DCAF4L1: variants seen among roughly 807,000 people sequenced by gnomAD.
DCAF4L1 encodes the protein DDB1 and CUL4 associated factor 4 like 1.
Under a neutral mutation model 28.2 loss-of-function variants are expected in DCAF4L1, and 4 were observed. The observed-to-expected ratio is 0.14, with a 90% CI of 0.07 to 0.33. DCAF4L1 has a LOEUF of 0.33. Among genes scored for constraint, DCAF4L1 ranks in the 10% least tolerant of loss-of-function variants. The probability of loss-of-function intolerance (pLI) is 1.00; values close to 1 mark genes in which losing one functional copy is unlikely to be tolerated. For synonymous variants in DCAF4L1, 252 were observed against 212.1 expected (o/e 1.19, Z -1.63); for missense variants, 331 against 506.1 (o/e 0.65, Z 3.32).
At position 41,984,444 on chromosome 4, in the gene DCAF4L1, T is replaced by TTTA. The variant is rs1714088104; in HGVS notation, c.*1463_*1464insATT. The TTTA allele has an allele frequency of 6.4e-6, 1 of 155,570 alleles. No individual in the cohort carries two copies. Among genetic ancestry groups the TTTA allele is most frequent in the African/African-American group, 2.4e-5 (1 of 40,914 alleles). 9.6% of individuals were successfully genotyped at this position (155,570 alleles called of 1,614,324 possible). ...TGAAAGAAAAAAGGATGGCAGCTTT[T>TTTA]TTTTTTTTTTTTTTGAGACGGAGTC... On this transcript the variant is annotated 3_prime_UTR_variant, in exon 1 of 1. Coordinates refer to ENST00000333141, the MANE Select transcript of DCAF4L1 (RefSeq NM_001029955.4).
At position 41,984,439 on chromosome 4, in the gene DCAF4L1, G is replaced by GATT. The variant is rs1491376298; in HGVS notation, c.*1456_*1457insATT. ...GAAAGTGAAAGAAAAAAGGATGGCAGCTTTTTTTTTTTTTTTTTTGAGACG... is the reference window on the plus strand; with the variant it reads ...GAAAGTGAAAGAAAAAAGGATGGCAGATTCTTTTTTTTTTTTTTTTTTGAGACG... On this transcript the variant is annotated 3_prime_UTR_variant, in exon 1 of 1. Coordinates refer to ENST00000333141, the MANE Select transcript of DCAF4L1 (RefSeq NM_001029955.4). 1 of 79,068 alleles carries GATT rather than the reference G, an allele frequency of 1.3e-5. No individual in the cohort carries two copies. Among genetic ancestry groups the GATT allele is most frequent in the Non-Finnish European group, 3.5e-5 (1 of 28,740 alleles). 4.9% of individuals were successfully genotyped at this position (79,068 alleles called of 1,614,324 possible). A position where few individuals can be genotyped will look rare whatever the true frequency, so the allele number is the denominator to read the frequency against.
rs760828584 is a variant in DCAF4L1 at position 41,982,571 on chromosome 4, A to C, written c.779A>C (p.Lys260Thr). Residue 260 changes from lysine (K) to threonine (T), a missense_variant, in exon 1 of 1, where the codon AAG becomes ACG. Physicochemically the swap from Lys to Thr is moderately conservative, Grantham distance 78. Transcript: ENST00000333141. This position sits in a 1 kb window ranked among gnomAD's most constrained non-coding sequence, Gnocchi z 4.4. ...GATCTGCGTTGTAGAAATCGAGGCA[A>C]GGGGTGGAGGGCCACTCGCCTGTTC... ...AIDLRCRNRG[K>T]GWRATRLFHD... is the part of the protein sequence containing the mutation. 1.2e-5 allele frequency: 19 copies of C among 1,614,042 alleles called. No homozygotes were observed. The highest frequency in any genetic ancestry group is 2.2e-5 in the East Asian group (1 of 44,892).
Position 41,981,829 on chromosome 4 carries a change from G to A in DCAF4L1, c.37G>A (p.Ala13Thr). 1 of 1,614,176 alleles carries A rather than the reference G, an allele frequency of 6.2e-7. No homozygotes were observed. Among genetic ancestry groups the A allele is most frequent in the Admixed American group, 1.7e-5 (1 of 60,026 alleles). Reference protein sequence around the residue: ...AERLRLLEEEAKLKKVARMGF... With the variant: ...AERLRLLEEETKLKKVARMGF... ...AAGGCTGCGACTCCTCGAGGAAGAG[G>A]CCAAGCTGAAAAAGGTAGCCAGAAT... The change falls in exon 1 of 1, where the codon GCC becomes ACC. Residue 13 changes from alanine (A) to threonine (T), a missense_variant. Transcript: ENST00000333141.
chr4:41,982,898 C>T lies in DCAF4L1; in HGVS notation c.1106C>T (p.Ala369Val), dbSNP rs1391808189. Residue 369 changes from alanine to valine, a missense_variant, in exon 1 of 1, where the codon GCT becomes GTT. Coordinates refer to ENST00000333141, the MANE Select transcript of DCAF4L1 (RefSeq NM_001029955.4). The surrounding 1 kb of genome is among the most constrained non-coding windows in gnomAD (Gnocchi z 4.4). ...GACGACATTCCCAGCGTGGCCTTCG[C>T]TTCTCGGCTCGGGGGCATCCGGGGA... is the stretch of plus-strand genomic sequence containing the variant. ...SEDDIPSVAF[A>V]SRLGGIRGAA... is the part of the protein sequence containing the mutation. 1 of 1,614,114 alleles carries T rather than the reference C, an allele frequency of 6.2e-7. No individual in the cohort carries two copies. Among genetic ancestry groups the T allele is most frequent in the Non-Finnish European group, 8.5e-7 (1 of 1,180,060 alleles).
At position 41,981,903 on chromosome 4, in the gene DCAF4L1, C is replaced by T; in HGVS notation, c.111C>T (p.Leu37=). ...TCCGAAAAAGCCAGCTAGGTTTCCT[C>T]AACGTCACCAGTTACTCCCGTTTAG... ...SMLRKSQLGF[L]NVTSYSRLAN... The change falls in exon 1 of 1, where the codon CTC becomes CTT. Residue 37 remains leucine (L), a synonymous_variant. Transcript: ENST00000333141. 6.2e-7 allele frequency: 1 copy of T among 1,614,246 alleles called. No individual in the cohort carries two copies. Among genetic ancestry groups the T allele is most frequent in the South Asian group, 1.1e-5 (1 of 91,086 alleles).
At position 41,982,339 on chromosome 4, in the gene DCAF4L1, C is replaced by T. The variant is rs1205779633; in HGVS notation, c.547C>T (p.Pro183Ser). The T allele has an allele frequency of 1.2e-6, 2 of 1,614,208 alleles. No individual in the cohort carries two copies. Among genetic ancestry groups the T allele is most frequent in the Admixed American group, 1.7e-5 (1 of 60,026 alleles). The change falls in exon 1 of 1, where the codon CCA becomes TCA. Residue 183 changes from proline to serine, a missense_variant. By Grantham distance (74) the Pro-to-Ser change is moderately conservative. Transcript: ENST00000333141. This position sits in a 1 kb window ranked among gnomAD's most constrained non-coding sequence, Gnocchi z 4.4. ...QPGMLCSFQI[P>S]EAWSCAWSLN... ...TGGCATGCTCTGCAGTTTCCAGATC[C>T]CAGAGGCCTGGTCCTGTGCGTGGTC...
Position 41,981,834 on chromosome 4 carries a change from G to A in DCAF4L1, c.42G>A (p.Lys14=), listed in dbSNP as rs1713991130. Residue 14 remains lysine, a synonymous_variant, in exon 1 of 1, where the codon AAG becomes AAA. Transcript: ENST00000333141. ...ERLRLLEEEA[K]LKKVARMGFN... ...TGCGACTCCTCGAGGAAGAGGCCAA[G>A]CTGAAAAAGGTAGCCAGAATGGGAT... 2 of 1,614,208 alleles carry A rather than the reference G, an allele frequency of 1.2e-6. No homozygotes were observed. The highest frequency in any genetic ancestry group is 1.7e-6 in the Non-Finnish European group (2 of 1,180,046).
Position 41,985,862 on chromosome 4 carries a change from G to T in DCAF4L1, c.*2879G>T, listed in dbSNP as rs1384845466. On this transcript the variant is annotated 3_prime_UTR_variant, in exon 1 of 1. Coordinates refer to ENST00000333141, the MANE Select transcript of DCAF4L1 (RefSeq NM_001029955.4). ...TATGTTCTTAGAAGCAGGATTAATG[G>T]TATACTTGTAGGGCAGAAGAGTAGT... The T allele has an allele frequency of 6.0e-6, 1 of 167,076 alleles. No individual in the cohort carries two copies. Among genetic ancestry groups the T allele is most frequent in the African/African-American group, 2.4e-5 (1 of 41,440 alleles). The allele number at this position is 167,076 out of a possible 1,614,324, so 10.3% of individuals were successfully genotyped here. A position where few individuals can be genotyped will look rare whatever the true frequency, so the allele number is the denominator to read the frequency against.
rs776730711 is a variant in DCAF4L1, at chr4:41,982,573, G to C, written c.781G>C (p.Gly261Arg). 2.1e-5 allele frequency: 34 copies of C among 1,614,110 alleles called. No homozygotes were observed. Among genetic ancestry groups the C allele is most frequent in the Non-Finnish European group, 2.8e-5 (33 of 1,180,050 alleles). Residue 261 changes from glycine to arginine, a missense_variant, in exon 1 of 1, where the codon GGG becomes CGG. Coordinates refer to ENST00000333141, the MANE Select transcript of DCAF4L1 (RefSeq NM_001029955.4). This position sits in a 1 kb window ranked among gnomAD's most constrained non-coding sequence, Gnocchi z 4.4. The part of the protein sequence containing the change: ...IDLRCRNRGK[G>R]WRATRLFHDS... The stretch of plus-strand genomic sequence containing the variant: ...TCTGCGTTGTAGAAATCGAGGCAAG[G>C]GGTGGAGGGCCACTCGCCTGTTCCA...
rs1714095445 is a variant in DCAF4L1, at chr4:41,984,724, C to A, written c.*1741C>A. 1 of 166,866 alleles carries A rather than the reference C, an allele frequency of 6.0e-6. No homozygotes were observed. Among genetic ancestry groups the A allele is most frequent in the African/African-American group, 2.4e-5 (1 of 41,368 alleles). 10.3% of individuals were successfully genotyped at this position (166,866 alleles called of 1,614,324 possible). On this transcript the variant is annotated 3_prime_UTR_variant, in exon 1 of 1. Coordinates refer to ENST00000333141, the MANE Select transcript of DCAF4L1 (RefSeq NM_001029955.4). Reference sequence around the variant, plus strand: ...ATGGCTGGTAATACAAATTTGGTGACTTCAATACATAGAATTAAAATAGAT... The same window carrying A: ...ATGGCTGGTAATACAAATTTGGTGAATTCAATACATAGAATTAAAATAGAT...
In DCAF4L1 at chr4:41,982,806, G is replaced by C; in HGVS notation, c.1014G>C (p.Thr338=). 1 of 1,614,188 alleles carries C rather than the reference G, an allele frequency of 6.2e-7. No homozygotes were observed. Among genetic ancestry groups the C allele is most frequent in the South Asian group, 1.1e-5 (1 of 91,092 alleles). ...IVVAVGQDCY[T]RIWSLHDAHL... is the part of the protein sequence containing the mutation. ...TGGCAGTGGGCCAGGACTGCTACACGAGAATCTGGAGCCTCCATGATGCCC... is the reference window on the plus strand; with the variant it reads ...TGGCAGTGGGCCAGGACTGCTACACCAGAATCTGGAGCCTCCATGATGCCC... Residue 338 remains threonine, a synonymous_variant, in exon 1 of 1, where the codon ACG becomes ACC. Coordinates refer to ENST00000333141, the MANE Select transcript of DCAF4L1 (RefSeq NM_001029955.4). The surrounding 1 kb of genome is among the most constrained non-coding windows in gnomAD (Gnocchi z 4.4).
In DCAF4L1 at chr4:41,982,623, A is replaced by G. The variant is rs748917210; in HGVS notation, c.831A>G (p.Gln277=). The G allele has an allele frequency of 1.9e-6, 3 of 1,614,214 alleles. No homozygotes were observed. The Admixed American group carries it at 5.0e-5, about 27-fold the overall frequency. ...LFHDSAVTSV[Q]ILQEEQCLMA... is the part of the protein sequence containing the mutation. ...ATGACTCAGCAGTGACCTCTGTGCA[A>G]ATCCTCCAAGAAGAGCAATGCCTGA... Residue 277 remains glutamine, a synonymous_variant, in exon 1 of 1, where the codon CAA becomes CAG. Transcript: ENST00000333141. The surrounding 1 kb of genome is among the most constrained non-coding windows in gnomAD (Gnocchi z 4.4).
At position 41,982,869 on chromosome 4, in the gene DCAF4L1, CGAG is replaced by C. The variant is rs1560527409; in HGVS notation, c.1080_1082del (p.Glu360del). 6.2e-7 allele frequency: 1 copy of C among 1,614,160 alleles called. No homozygotes were observed. Among genetic ancestry groups the C allele is most frequent in the Admixed American group, 1.7e-5 (1 of 60,030 alleles). ...CCATCCCTTCCCCGTACTCTGCCTC[CGAG>C]GACGACATTCCCAGCGTGGCCTTCG... On this transcript the variant is annotated inframe_deletion, in exon 1 of 1. Coordinates refer to ENST00000333141, the MANE Select transcript of DCAF4L1 (RefSeq NM_001029955.4). The surrounding 1 kb of genome is among the most constrained non-coding windows in gnomAD (Gnocchi z 4.4).
Position 41,985,184 on chromosome 4 carries a change from CTGTT to C in DCAF4L1, c.*2203_*2206del, listed in dbSNP as rs1714114154. The C allele has an allele frequency of 6.0e-6, 1 of 166,570 alleles. No homozygotes were observed. The highest frequency in any genetic ancestry group is 2.4e-5 in the African/African-American group (1 of 41,276). The allele number at this position is 166,570 out of a possible 1,614,324, so 10.3% of individuals were successfully genotyped here. ...AAAAATGACTACATAACTTGATAAA[CTGTT>C]TATCCTCATTTGCAAAGAAAACAAA... On this transcript the variant is annotated 3_prime_UTR_variant, in exon 1 of 1. Transcript: ENST00000333141.
In DCAF4L1 at chr4:41,984,658, AATTG is replaced by A. The variant is rs1345220247; in HGVS notation, c.*1676_*1679del. The A allele has an allele frequency of 6.0e-6, 1 of 167,080 alleles. No homozygotes were observed. Among genetic ancestry groups the A allele is most frequent in the African/African-American group, 2.4e-5 (1 of 41,452 alleles). 10.3% of individuals were successfully genotyped at this position (167,080 alleles called of 1,614,324 possible). A position where few individuals can be genotyped will look rare whatever the true frequency, so the allele number is the denominator to read the frequency against. On this transcript the variant is annotated 3_prime_UTR_variant, in exon 1 of 1. Transcript: ENST00000333141. ...AGTTTTAGACATCTACTAAACCTCCAATTGGAGATACAAAGTATTCTGCAGATCA... is the reference window on the plus strand; with the variant it reads ...AGTTTTAGACATCTACTAAACCTCCAGAGATACAAAGTATTCTGCAGATCA...
rs777654754 is a variant in DCAF4L1, at chr4:41,982,038, C to G, written c.246C>G (p.Asn82Lys). 1 of 1,614,238 alleles carries G rather than the reference C, an allele frequency of 6.2e-7. No homozygotes were observed. The highest frequency in any genetic ancestry group is 8.5e-7 in the Non-Finnish European group (1 of 1,180,048). Residue 82 changes from asparagine (N) to lysine (K), a missense_variant, in exon 1 of 1, where the codon AAC becomes AAG. By Grantham distance (94) the Asn-to-Lys change is moderately conservative (BLOSUM62 0). Transcript: ENST00000333141. This position sits in a 1 kb window ranked among gnomAD's most constrained non-coding sequence, Gnocchi z 4.4. ...DRFNFILAST[N>K]SDQLFVVNQV... is the part of the protein sequence containing the mutation. ...TTAACTTCATTCTGGCGAGTACCAA[C>G]AGCGACCAGCTCTTCGTAGTGAACC...
rs1362512647 is a variant in DCAF4L1 at position 41,982,194 on chromosome 4, G to A, written c.402G>A (p.Ser134=). ...AGGTGAAGTCCCTGTGCTGGGCCTC[G>A]CTGAACCAGTTGGACTCTCACGTTC... ...NRKVKSLCWA[S]LNQLDSHVLL... The change falls in exon 1 of 1, where the codon TCG becomes TCA. Residue 134 remains serine (S), a synonymous_variant. Transcript: ENST00000333141. This position sits in a 1 kb window ranked among gnomAD's most constrained non-coding sequence, Gnocchi z 4.4. The A allele has an allele frequency of 1.9e-6, 3 of 1,614,088 alleles. No individual in the cohort carries two copies. The highest frequency in any genetic ancestry group is 2.7e-5 in the African/African-American group (2 of 74,920).
Position 41,982,558 on chromosome 4 carries a change from A to G in DCAF4L1, c.766A>G (p.Arg256Gly). 10 of 1,614,228 alleles carry G rather than the reference A, an allele frequency of 6.2e-6. No individual in the cohort carries two copies. Among genetic ancestry groups the G allele is most frequent in the Non-Finnish European group, 8.5e-6 (10 of 1,180,046 alleles). Residue 256 changes from arginine to glycine, a missense_variant, in exon 1 of 1, where the codon AGA becomes GGA. Coordinates refer to ENST00000333141, the MANE Select transcript of DCAF4L1 (RefSeq NM_001029955.4). The surrounding 1 kb of genome is among the most constrained non-coding windows in gnomAD (Gnocchi z 4.4). The part of the protein sequence containing the change: ...GEIFAIDLRC[R>G]NRGKGWRATR... ...GATCTTTGCCATTGATCTGCGTTGT[A>G]GAAATCGAGGCAAGGGGTGGAGGGC...
chr4:41,981,779 T>C lies in DCAF4L1; in HGVS notation c.-14T>C, dbSNP rs763630131. ...GCAGAATTTCCTGTCACGAGGAACATTCCGCAGGAGGAAATGGAGGCTGAA... is the reference window on the plus strand; with the variant it reads ...GCAGAATTTCCTGTCACGAGGAACACTCCGCAGGAGGAAATGGAGGCTGAA... On this transcript the variant is annotated 5_prime_UTR_variant, in exon 1 of 1. Coordinates refer to ENST00000333141, the MANE Select transcript of DCAF4L1 (RefSeq NM_001029955.4). 3.7e-6 allele frequency: 6 copies of C among 1,610,542 alleles called. No homozygotes were observed. Among genetic ancestry groups the C allele is most frequent in the Non-Finnish European group, 5.1e-6 (6 of 1,177,600 alleles).
Sources: allele counts gnomAD v4.1 joint callset, GRCh38; gene constraint gnomAD v4.1.1; non-coding constraint Gnocchi (gnomAD v3.1); transcripts MANE v1.5; gene names NCBI Gene and HGNC (gene_info 2026-07-23, HGNC 2026-07-21).